TPRA1: variants seen among roughly 807,000 people sequenced by gnomAD.
TPRA1 encodes transmembrane protein adipocyte associated 1.
A neutral mutation model predicts 40.1 loss-of-function variants in TPRA1; 28 were observed. The ratio of observed to expected loss-of-function variants is 0.70; its 90% CI spans 0.52 to 0.96. The LOEUF (loss-of-function observed/expected upper bound fraction) is 0.96. Among genes scored for constraint, TPRA1 ranks in the 40% least tolerant of loss-of-function variants. The pLI, the probability that TPRA1 is intolerant of heterozygous loss-of-function variation, is 0.00. For synonymous variants in TPRA1, 219 were observed against 209.7 expected, an observed-to-expected ratio of 1.04 and a Z score of -0.38; for missense variants, 441 against 482.6, an observed-to-expected ratio of 0.91 and a Z score of 0.81.
chr3:127,591,873 C>T (rs2074176135), upstream of TPRA1: 1 of 152,160 alleles, frequency 6.6e-6, no homozygotes, highest in Non-Finnish European at 1.5e-5. Context: ...TTATTACAGG[C>T]ACCCCAAGAC....
chr3:127,591,277 C>G (rs543608478), upstream of TPRA1, among the ~76,000 whole-genome samples: 26 of 152,298 alleles, frequency 1.7e-4, 1 homozygote, highest in South Asian at 5.4e-3. Flanking sequence ...CCACGCGGCG[C>G]CGCCATGCCT....
chr3:127,574,033 TG>T (rs1219760708), intron 10 of TPRA1, among the ~76,000 whole-genome samples: 2 of 152,150 alleles, frequency 1.3e-5, no homozygotes, highest in Non-Finnish European at 2.9e-5. Flanking sequence ...CATGGTGAAA[TG>T]GGTGTGTGGA....
At chr3:127,592,547 G>T (rs1202895842), upstream of TPRA1, among the ~76,000 whole-genome samples, 1 of 151,172 alleles carries the variant, frequency 6.6e-6, no homozygotes, top group African/African-American at 2.4e-5. Context: ...CACCGCGCCC[G>T]GCTAATTTTT....
chr3:127,573,452 C>A lies in TPRA1; in HGVS notation c.*69G>T. On this transcript the variant is annotated 3_prime_UTR_variant, in exon 11 of 11. Coordinates refer to ENST00000355552, the MANE Select transcript of TPRA1 (RefSeq NM_001136053.4). The stretch of plus-strand genomic sequence containing the variant: ...CAGAACGTCCCTTGACCTGGTCCTC[C>A]TCCCCTGGGGACTCTGGGCCTGCTG... The A allele has an allele frequency of 6.5e-7, 1 of 1,532,756 alleles. No homozygotes were observed. The highest frequency in any genetic ancestry group is 8.8e-7 in the Non-Finnish European group (1 of 1,140,814). The allele number at this position is 1,532,756 out of a possible 1,614,324, so 94.9% of individuals were successfully genotyped here.
intron 1 of TPRA1, chr3:127,597,982 A>G (rs2074263510): frequency 5.2e-6 from 1 of 192,860 alleles, no homozygotes; most frequent in Admixed American, 5.5e-5. Flanking sequence ...TAATTTTTGT[A>G]TTTTTAGTAA....
intron 1 of TPRA1, among the ~76,000 whole-genome samples, chr3:127,583,555 C>T (rs753653841): frequency 2.0e-5 from 3 of 152,048 alleles, no homozygotes; most frequent in Non-Finnish European, 4.4e-5. Context: ...CTGCAATCTT[C>T]AAGTGATGGG....
intron 3 of TPRA1, among the ~76,000 whole-genome samples, chr3:127,578,598 T>G (rs2073724033): frequency 6.6e-6 from 1 of 152,160 alleles, no homozygotes; most frequent in Admixed American, 6.5e-5. Flanking sequence ...TAATATCTGT[T>G]GAATAAATAC....
chr3:127,575,376 G>C, intron 9 of TPRA1, 27 bp downstream of exon 9: 1 of 1,572,780 alleles, frequency 6.4e-7, no homozygotes, highest in Non-Finnish European at 8.6e-7. Context: ...GCCCCCACGA[G>C]GCAGACACCC....
At chr3:127,575,701 A>C in intron 8 of TPRA1, 48 bp downstream of exon 8, 5 of 1,599,262 alleles carry the variant, frequency 3.1e-6, no homozygotes, top group Non-Finnish European at 4.3e-6. Flanking sequence ...GGCCCGGTAG[A>C]CTCCCTCCCA....
At chr3:127,584,174 T>C (rs1198324558) in intron 1 of TPRA1, among the ~76,000 whole-genome samples, 1 of 148,092 alleles carries the variant, frequency 6.8e-6, no homozygotes, top group Non-Finnish European at 1.5e-5. Context: ...GCACAGTGGC[T>C]TACACCTGTA....
At chr3:127,587,522 C>G (rs1018666060) in intron 1 of TPRA1, among the ~76,000 whole-genome samples, 1 of 152,118 alleles carries the variant, frequency 6.6e-6, no homozygotes, top group Admixed American at 6.5e-5. Flanking sequence ...CTGGTTCTGC[C>G]ACGTGCTTGC....
In TPRA1 at chr3:127,596,661, G is replaced by T. The variant is rs17538384; in HGVS notation, c.-390-971C>A. The stretch of plus-strand genomic sequence containing the variant: ...AACAGCTTCCTGGATATGTCCCCTC[G>T]GCCCAAATTCAGCACAGCCAGAAAC... On this transcript the variant is annotated intron_variant, in intron 1 of 3. Coordinates refer to the TPRA1 transcript ENST00000462228. 4.3e-4 allele frequency among the ~76,000 whole-genome samples: 66 copies of T among 152,134 alleles called. 1 individual carries two copies. Among genetic ancestry groups the T allele is most frequent in the Admixed American group, 3.6e-3 (55 of 15,282 alleles).
At chr3:127,593,860 C>G (rs1431481777), upstream of TPRA1, among the ~76,000 whole-genome samples, 1 of 152,220 alleles carries the variant, frequency 6.6e-6, no homozygotes, top group Non-Finnish European at 1.5e-5. Flanking sequence ...TTTTTCATCC[C>G]TATCAGGGAC....
chr3:127,584,447 T>TA (rs1163065087), intron 1 of TPRA1, among the ~76,000 whole-genome samples: 4,184 of 20,756 alleles, frequency 0.2, 1,387 homozygotes, highest in Non-Finnish European at 0.23. Flanking sequence ...AGACCCTGTC[T>TA]AAAAAAAAAA....
chr3:127,578,037 T>G (rs1454154350), intron 3 of TPRA1, among the ~76,000 whole-genome samples: 1 of 152,132 alleles, frequency 6.6e-6, no homozygotes, highest in Non-Finnish European at 1.5e-5. Context: ...ATGGAGATGG[T>G]GCCCCAGCAG....
intron 1 of TPRA1, among the ~76,000 whole-genome samples, chr3:127,589,045 G>A (rs1046762742): frequency 3.3e-5 from 5 of 151,646 alleles, no homozygotes; most frequent in African/African-American, 9.7e-5. Flanking sequence ...GAATTCCTGC[G>A]GTGCAGAGCA....
At chr3:127,575,607 C>T (rs2073584707) in intron 8 of TPRA1, 102 bp from the exon 9 acceptor site, 1 of 1,461,838 alleles carries the variant, frequency 6.8e-7, no homozygotes, top group Non-Finnish European at 9.3e-7. Context: ...CCCGGGGCCC[C>T]TCTAGGCCTC....
upstream of TPRA1, among the ~76,000 whole-genome samples, chr3:127,593,590 A>G (rs1472328235): frequency 6.6e-6 from 1 of 152,232 alleles, no homozygotes; most frequent in Non-Finnish European, 1.5e-5. Flanking sequence ...CAAGAGAGCA[A>G]GCACATAAAC....
intron 1 of TPRA1, among the ~76,000 whole-genome samples, chr3:127,589,647 C>T (rs573933851): frequency 6.6e-6 from 1 of 152,224 alleles, no homozygotes; most frequent in African/African-American, 2.4e-5. Flanking sequence ...GTCCGTTCCT[C>T]AGGGCCTTTG....
Sources: gnomAD v4.1 joint callset for allele counts (sites outside exome capture counted in the v4.1 genomes callset) on GRCh38, gnomAD v4.1.1 for gene constraint, MANE v1.5 for transcripts, NCBI Gene and HGNC (gene_info 2026-07-23, HGNC 2026-07-21) for gene names.